Variants in CREB5 observed in about 807,000 individuals in gnomAD.
CREB5 encodes cyclic AMP-responsive element-binding protein 5.
Under a neutral mutation model 57.1 loss-of-function variants are expected in CREB5, and 19 were observed. That is an observed-to-expected ratio of 0.33 (90% confidence interval 0.23 to 0.49). The LOEUF (loss-of-function observed/expected upper bound fraction) is 0.49, where lower values mean the gene tolerates loss of function less well. Ranked by LOEUF, CREB5 falls within the 20% of genes least tolerant of loss-of-function variation. CREB5 has a pLI of 0.99. For synonymous variants in CREB5, 238 were observed against 238.3 expected (o/e 1.00, Z 0.01); for missense variants, 579 against 671.6 (o/e 0.86, Z 1.52).
Position 28,749,852 on chromosome 7 carries a change from A to AT in CREB5, c.702+25521dup, listed in dbSNP as rs1440424876. On this transcript the variant is annotated intron_variant, in intron 7 of 10. Coordinates refer to ENST00000357727, the MANE Select transcript of CREB5 (RefSeq NM_182898.4). ...TTTTATGCAAGATAAATAGTTTTAC[A>AT]TGTCTCAGAAGTAGAATCCAATTGG... is the stretch of plus-strand genomic sequence containing the variant. Among the ~76,000 whole-genome samples the AT allele has an allele frequency of 1.9e-4, 29 of 152,136 alleles. 1 individual carries two copies.
chr7:28,612,738 G>C (rs1797443476), intron 5 of CREB5, among the ~76,000 whole-genome samples: 1 of 152,072 alleles, frequency 6.6e-6, no homozygotes, highest in Non-Finnish European at 1.5e-5. Flanking sequence ...TGCCCTCAAA[G>C]GGCAAGCCAG....
chr7:28,522,518 C>G (rs980877396), intron 4 of CREB5, among the ~76,000 whole-genome samples: 2 of 151,790 alleles, frequency 1.3e-5, no homozygotes, highest in African/African-American at 4.8e-5. Context: ...GCCTCAGCCT[C>G]CCAAGTAGCT....
chr7:28,724,438 G>A (rs1803223709), intron 7 of CREB5, 106 bp downstream of exon 7: 1 of 921,168 alleles, frequency 1.1e-6, no homozygotes, highest in African/African-American at 1.6e-5. Flanking sequence ...CTCCATCTTT[G>A]TTTTGGTGAA....
intron 9 of CREB5, among the ~76,000 whole-genome samples, chr7:28,817,791 T>C (rs1809524712): frequency 6.6e-6 from 1 of 152,196 alleles, no homozygotes; most frequent in South Asian, 2.1e-4. Context: ...GTAAGGATTC[T>C]CACCTGGCTT....
At chr7:28,782,838 A>G (rs371567503) in intron 7 of CREB5, among the ~76,000 whole-genome samples, 17 of 152,308 alleles carry the variant, frequency 1.1e-4, no homozygotes, top group African/African-American at 4.1e-4. Flanking sequence ...AGGCTCTTTG[A>G]TAAGTTGTGC....
chr7:28,682,686 G>GA (rs1341376690), intron 5 of CREB5, among the ~76,000 whole-genome samples: 4 of 147,444 alleles, frequency 2.7e-5, no homozygotes, highest in African/African-American at 1.0e-4. Context: ...TAAAAGTGGG[G>GA]GGGGGGGGAA....
rs1313656910 is a variant in CREB5, at chr7:28,825,678, C to T, written c.*6399C>T. The T allele has an allele frequency of 8.5e-5, 13 of 152,726 alleles. No homozygotes were observed. The highest frequency in any genetic ancestry group is 7.2e-4 in the Admixed American group (11 of 15,288). The allele number at this position is 152,726 out of a possible 1,614,324, so 9.5% of individuals were successfully genotyped here. A position where few individuals can be genotyped will look rare whatever the true frequency, so the allele number is the denominator to read the frequency against. On this transcript the variant is annotated 3_prime_UTR_variant, in exon 11 of 11. Coordinates refer to ENST00000357727, the MANE Select transcript of CREB5 (RefSeq NM_182898.4). ...AAAAAGGGGTACATACATGTAAATA[C>T]TTGCTGCAGCATTTAATATGTTTAA...
At chr7:28,770,856 A>C (rs957264222) in intron 7 of CREB5, among the ~76,000 whole-genome samples, 2 of 152,236 alleles carry the variant, frequency 1.3e-5, no homozygotes, top group Non-Finnish European at 2.9e-5. Flanking sequence ...TTCAGATCCC[A>C]TATGCAGCAT....
rs71555745 is a variant in CREB5 at position 28,464,496 on chromosome 7, CGTGTGTGT to C, written c.4-23644_4-23637del. Among the ~76,000 whole-genome samples, 681 of 139,650 alleles carry C rather than the reference CGTGTGTGT, an allele frequency of 4.9e-3. 8 individuals are homozygous for C. The highest frequency in any genetic ancestry group is 6.3e-3 in the South Asian group (27 of 4,278). 91.6% of individuals were successfully genotyped at this position (139,650 alleles called of 152,430 possible). A position where few individuals can be genotyped will look rare whatever the true frequency, so the allele number is the denominator to read the frequency against. On this transcript the variant is annotated intron_variant, in intron 1 of 10. Coordinates refer to ENST00000357727, the MANE Select transcript of CREB5 (RefSeq NM_182898.4). The stretch of plus-strand genomic sequence containing the variant: ...CTGATCTCTCCTTTGTGGAAAGTTG[CGTGTGTGT>C]GTGTGTGTGTGTGTGTGTGTGTGTG...
chr7:28,348,706 G>C (rs929949927), intron 1 of CREB5, among the ~76,000 whole-genome samples: 1 of 152,030 alleles, frequency 6.6e-6, no homozygotes. Context: ...TTCCTAAAGG[G>C]TTCCCAAAGG....
chr7:28,773,726 C>G (rs1359113446), intron 7 of CREB5, among the ~76,000 whole-genome samples: 1 of 152,200 alleles, frequency 6.6e-6, no homozygotes, highest in Non-Finnish European at 1.5e-5. Flanking sequence ...TTTTAATTGT[C>G]ACCCCTGTCC....
In CREB5 at chr7:28,453,958, C is replaced by CTTTTTTTTTTTTTTTTTT. The variant is rs70977045; in HGVS notation, c.4-34204_4-34203insTTTTTTTTTTTTTTTTTT. Among the ~76,000 whole-genome samples, 5 of 132,574 alleles carry CTTTTTTTTTTTTTTTTTT rather than the reference C, an allele frequency of 3.8e-5. 1 individual carries two copies. The highest frequency in any genetic ancestry group is 2.4e-4 in the East Asian group (1 of 4,226). The allele number at this position is 132,574 out of a possible 152,430, so 87.0% of individuals were successfully genotyped here. ...AACTGAAAGAGACTCCTCTCCAATTCTTTTTTTTTTTTTGAGATGGAGTCT... is the reference window on the plus strand; with the variant it reads ...AACTGAAAGAGACTCCTCTCCAATTCTTTTTTTTTTTTTTTTTTTTTTTTTTTTTTTGAGATGGAGTCT... On this transcript the variant is annotated intron_variant, in intron 1 of 10. Coordinates refer to ENST00000357727, the MANE Select transcript of CREB5 (RefSeq NM_182898.4).
chr7:28,766,042 A>T (rs1225898722), intron 7 of CREB5, among the ~76,000 whole-genome samples: 1 of 151,964 alleles, frequency 6.6e-6, no homozygotes, highest in Non-Finnish European at 1.5e-5. Flanking sequence ...TCTTGGAGCT[A>T]CATTTTTTCA....
At chr7:28,503,726 A>G (rs1792365132) in intron 3 of CREB5, among the ~76,000 whole-genome samples, 1 of 152,180 alleles carries the variant, frequency 6.6e-6, no homozygotes, top group African/African-American at 2.4e-5. Context: ...TTGTTCCCAG[A>G]TACCAGCACA....
intron 5 of CREB5, among the ~76,000 whole-genome samples, chr7:28,583,307 C>T (rs190069225): frequency 3.4e-4 from 52 of 152,212 alleles, no homozygotes; most frequent in Middle Eastern, 6.8e-3. Context: ...GATCAATTTC[C>T]GGGAGAACCA....
Position 28,374,218 on chromosome 7 carries a change from C to T in CREB5, c.-25+74777C>T, listed in dbSNP as rs1378358743. On this transcript the variant is annotated intron_variant, in intron 1 of 9. Transcript: ENST00000396299. ...GCTAAAATCAAACAGACTGACAATA[C>T]CTAGTGCTAGAGATGACGCACAGAA... Among the ~76,000 whole-genome samples, 5 of 152,098 alleles carry T rather than the reference C, an allele frequency of 3.3e-5. No homozygotes were observed. The East Asian group carries it at 9.6e-4, about 29-fold the overall frequency.
At chr7:28,684,750 A>C (rs1263216617) in intron 5 of CREB5, among the ~76,000 whole-genome samples, 3 of 151,926 alleles carry the variant, frequency 2.0e-5, no homozygotes, top group African/African-American at 7.2e-5. Context: ...AGGAAAAAAA[A>C]ATTGCAGCTT....
chr7:28,622,747 G>A (rs1421291495), intron 5 of CREB5, among the ~76,000 whole-genome samples: 1 of 152,140 alleles, frequency 6.6e-6, no homozygotes, highest in Non-Finnish European at 1.5e-5. Context: ...CCAGCTGGGT[G>A]TGGTGGCTCA....
chr7:28,338,210 G>A (rs866994771), intron 1 of CREB5, among the ~76,000 whole-genome samples: 2 of 152,064 alleles, frequency 1.3e-5, no homozygotes, highest in Non-Finnish European at 2.9e-5. Flanking sequence ...ACTATTGCCG[G>A]TGACTTTAGT....
Sources: gnomAD v4.1 joint callset for allele counts (sites outside exome capture counted in the v4.1 genomes callset) on GRCh38, gnomAD v4.1.1 for gene constraint, MANE v1.5 for transcripts, NCBI Gene and HGNC (gene_info 2026-07-23, HGNC 2026-07-21) for gene names.